DENND5B: variants seen among roughly 807,000 people sequenced by gnomAD.
The protein encoded by DENND5B is DENN domain-containing protein 5B.
In DENND5B, 34 loss-of-function variants were observed where a neutral mutation model predicts 140.6. That is an observed-to-expected ratio of 0.24 (90% CI 0.18 to 0.32). The LOEUF is 0.32. Ranked by LOEUF, DENND5B falls within the 10% of genes least tolerant of loss-of-function variation. DENND5B has a pLI of 1.00. For missense variants in DENND5B, 1,142 were observed against 1,560.2 expected, an observed-to-expected ratio of 0.73 and a Z score of 4.52; for synonymous variants, 551 against 562.1, an observed-to-expected ratio of 0.98 and a Z score of 0.28.
At chr12:31,459,821 C>T (rs912550051) in intron 4 of DENND5B, among the ~76,000 whole-genome samples, 1 of 152,050 alleles carries the variant, frequency 6.6e-6, no homozygotes, top group Non-Finnish European at 1.5e-5. Flanking sequence ...AAATAAAATT[C>T]AATTGATACA....
At chr12:31,391,880 C>T (rs1377433351) in intron 19 of DENND5B, among the ~76,000 whole-genome samples, 1 of 152,020 alleles carries the variant, frequency 6.6e-6, no homozygotes, top group East Asian at 1.9e-4. Context: ...ATGGCTCACT[C>T]CTGTAATCCC....
intron 1 of DENND5B, chr12:31,500,422 G>C (rs949794645): frequency 8.8e-6 from 4 of 452,008 alleles, no homozygotes; most frequent in South Asian, 3.1e-5. Flanking sequence ...GCTCACAACT[G>C]TAATCTCAGC....
At chr12:31,518,006 A>G (rs1947731433) in intron 1 of DENND5B, among the ~76,000 whole-genome samples, 2 of 152,220 alleles carry the variant, frequency 1.3e-5, no homozygotes, top group Non-Finnish European at 2.9e-5. Flanking sequence ...TTGCTGGAAT[A>G]AAAAGCCTGA....
At chr12:31,547,564 A>T (rs977434004) in intron 1 of DENND5B, among the ~76,000 whole-genome samples, 4 of 151,680 alleles carry the variant, frequency 2.6e-5, no homozygotes, top group Admixed American at 1.3e-4. Flanking sequence ...AAGCTGGCTA[A>T]TTTTTGTATT....
At chr12:31,584,427 A>T (rs912022676) in intron 1 of DENND5B, among the ~76,000 whole-genome samples, 3 of 152,254 alleles carry the variant, frequency 2.0e-5, no homozygotes, top group Non-Finnish European at 2.9e-5. Flanking sequence ...TATTTCCAGT[A>T]GATTTCCAAA....
intron 1 of DENND5B, among the ~76,000 whole-genome samples, chr12:31,551,118 T>C (rs1438759273): frequency 2.0e-4 from 30 of 152,170 alleles, no homozygotes; most frequent in Non-Finnish European, 3.2e-4. Flanking sequence ...TTTGGTGTTT[T>C]AGACATGAAG....
chr12:31,458,019 ACTG>A (rs1944861877), intron 4 of DENND5B, among the ~76,000 whole-genome samples: 1 of 152,144 alleles, frequency 6.6e-6, no homozygotes, highest in South Asian at 2.1e-4. Context: ...CAGCCGAAGC[ACTG>A]CTATTTTCAC....
At chr12:31,423,537 A>T (rs550890336) in intron 11 of DENND5B, 60 bp downstream of exon 11, 2 of 1,551,672 alleles carry the variant, frequency 1.3e-6, no homozygotes, top group African/African-American at 2.7e-5. Context: ...AGACAAGGCC[A>T]AATAGTATTG....
chr12:31,445,395 T>C lies in DENND5B; in HGVS notation c.1861+2143A>G, dbSNP rs1013885391. Among the ~76,000 whole-genome samples the C allele has an allele frequency of 5.9e-5, 9 of 152,148 alleles. No homozygotes were observed. The South Asian group carries it at 1.5e-3, about 25-fold the overall frequency. ...CTCAATTGTAAAATGAGGGCAGTAATAAAACAAAATAAAAATAAGTATTCC... is the reference window on the plus strand; with the variant it reads ...CTCAATTGTAAAATGAGGGCAGTAACAAAACAAAATAAAAATAAGTATTCC... On this transcript the variant is annotated intron_variant, in intron 6 of 20. Coordinates refer to ENST00000389082, the MANE Select transcript of DENND5B (RefSeq NM_144973.4).
intron 2 of DENND5B, 71 bp from the exon 3 acceptor site, chr12:31,480,326 T>TG: frequency 7.2e-7 from 1 of 1,379,742 alleles, no homozygotes. Context: ...TAAATGTTGT[T>TG]TTTTTAACAT....
intron 18 of DENND5B, 46 bp downstream of exon 18, chr12:31,392,551 TGTATCACATATAAAAGC>T: frequency 1.3e-6 from 2 of 1,527,380 alleles, no homozygotes; most frequent in South Asian, 2.5e-5. Flanking sequence ...TATTGCCTCG[TGTATCACATATAAAAGC>T]ATCTTTAAAA....
chr12:31,410,534 C>T (rs984478360), intron 13 of DENND5B, among the ~76,000 whole-genome samples: 1 of 152,070 alleles, frequency 6.6e-6, no homozygotes, highest in Non-Finnish European at 1.5e-5. Flanking sequence ...GCCTCCCAAG[C>T]TGCTGGGACC....
intron 1 of DENND5B, among the ~76,000 whole-genome samples, chr12:31,541,626 G>C (rs576743654): frequency 2.8e-4 from 43 of 152,294 alleles, no homozygotes; most frequent in African/African-American, 9.1e-4. Flanking sequence ...AACCACTATG[G>C]AGAACAGTTT....
chr12:31,499,172 T>A (rs1030003522), intron 1 of DENND5B, among the ~76,000 whole-genome samples: 1 of 152,038 alleles, frequency 6.6e-6, no homozygotes, highest in Non-Finnish European at 1.5e-5. Context: ...AATAACCAAG[T>A]CTAAGAATTT....
intron 1 of DENND5B, among the ~76,000 whole-genome samples, chr12:31,549,832 G>A (rs572658369): frequency 1.6e-4 from 25 of 152,146 alleles, no homozygotes; most frequent in Non-Finnish European, 3.1e-4. Context: ...GTTTGCTGAG[G>A]ATAATGGCTC....
chr12:31,562,873 T>C (rs567243724), intron 1 of DENND5B, among the ~76,000 whole-genome samples: 42 of 152,266 alleles, frequency 2.8e-4, no homozygotes, highest in African/African-American at 9.1e-4. Context: ...ACCAGGTGAC[T>C]TGTACAAAAT....
At chr12:31,554,448 G>C (rs551864507) in intron 1 of DENND5B, among the ~76,000 whole-genome samples, 349 of 152,208 alleles carry the variant, frequency 2.3e-3, no homozygotes, top group Non-Finnish European at 3.5e-3. Context: ...TAGTCTGATG[G>C]GCTTCCCTTT....
At chr12:31,547,690 C>T (rs970516960) in intron 1 of DENND5B, among the ~76,000 whole-genome samples, 56 of 151,994 alleles carry the variant, frequency 3.7e-4, no homozygotes, top group Middle Eastern at 3.4e-3. Flanking sequence ...CCACTGCACC[C>T]GGCCTCAAAC....
Position 31,495,880 on chromosome 12 carries a change from T to A in DENND5B, c.167A>T (p.Lys56Ile). 1 of 1,613,042 alleles carries A rather than the reference T, an allele frequency of 6.2e-7. No homozygotes were observed. Among genetic ancestry groups the A allele is most frequent in the East Asian group, 2.2e-5 (1 of 44,822 alleles). ...FDQSPLRRTF[K>I]SKVLAHYPQN... ...AGGATAGTGGGCGAGAACTTTGGATTTGAATGTTCTTCTCAAAGGACTCTG... is the reference window on the plus strand; with the variant it reads ...AGGATAGTGGGCGAGAACTTTGGATATGAATGTTCTTCTCAAAGGACTCTG... The change falls in exon 2 of 21, where the codon AAA becomes ATA. Residue 56 changes from lysine to isoleucine, a missense_variant. Around this residue, in one of 5 missense-constraint regions of DENND5B, gnomAD observed 708 missense variants for 905.5 expected, o/e 0.78. Transcript: ENST00000389082.
Sources: gnomAD v4.1 joint callset for allele counts (sites outside exome capture counted in the v4.1 genomes callset) on GRCh38, gnomAD v4.1.1 for gene constraint, gnomAD v4.1.1 regional missense constraint, MANE v1.5 for transcripts, NCBI Gene and HGNC (gene_info 2026-07-23, HGNC 2026-07-21) for gene names.